ZNF804B: variants seen among roughly 807,000 people sequenced by gnomAD.
The protein encoded by ZNF804B is zinc finger protein 804B, also known as zinc finger 804B.
A neutral mutation model predicts 101.4 loss-of-function variants in ZNF804B; 80 were observed. The ratio of observed to expected loss-of-function variants is 0.79; its 90% confidence interval spans 0.66 to 0.95. The LOEUF (loss-of-function observed/expected upper bound fraction) is 0.95. ZNF804B is among the 40% of genes least tolerant of loss of function. The pLI, the probability that ZNF804B is intolerant of heterozygous loss-of-function variation, is 0.00. For synonymous variants in ZNF804B, 622 were observed against 558.8 expected (o/e 1.11, Z -1.59); for missense variants, 1,673 against 1,561.9 (o/e 1.07, Z -1.20).
chr7:88,887,075 T>C (rs182386927), intron 1 of ZNF804B, among the ~76,000 whole-genome samples: 62 of 152,284 alleles, frequency 4.1e-4, no homozygotes, highest in East Asian at 1.9e-4. Context: ...CCTGTCAGAA[T>C]GGCTACTATA....
intron 1 of ZNF804B, among the ~76,000 whole-genome samples, chr7:88,855,487 G>A (rs1418140729): frequency 7.9e-5 from 12 of 151,984 alleles, no homozygotes; most frequent in African/African-American, 1.7e-4. Context: ...TGAGTTCATC[G>A]TAGATTCTGG....
chr7:89,115,760 A>G (rs1389155556), intron 1 of ZNF804B, among the ~76,000 whole-genome samples: 3 of 152,210 alleles, frequency 2.0e-5, no homozygotes, highest in African/African-American at 7.2e-5. Context: ...TTTAGTATGA[A>G]ATGATAGTTC....
chr7:88,925,015 A>G (rs1187395512), intron 1 of ZNF804B, among the ~76,000 whole-genome samples: 1 of 152,178 alleles, frequency 6.6e-6, no homozygotes, highest in African/African-American at 2.4e-5. Context: ...GGACTGCATT[A>G]TGTCTGTACT....
intron 1 of ZNF804B, among the ~76,000 whole-genome samples, chr7:88,761,106 C>T (rs1239579119): frequency 2.0e-5 from 3 of 151,698 alleles, no homozygotes; most frequent in Non-Finnish European, 2.9e-5. Context: ...TGGTTTAATG[C>T]TTCTTTAGCA....
rs557625422 is a variant in ZNF804B, at chr7:89,327,317, C to A, written c.250-27C>A. On this transcript the variant is annotated intron_variant, in intron 2 of 3. Transcript: ENST00000333190. ...AAGAATATATTATTTATTTATAGTACCTTTTTGGTTTTTCTTCTTTTTCAA... is the reference window on the plus strand; with the variant it reads ...AAGAATATATTATTTATTTATAGTAACTTTTTGGTTTTTCTTCTTTTTCAA... The A allele has an allele frequency of 1.7e-4, 262 of 1,565,932 alleles. 2 individuals carry two copies. The South Asian group carries it at 2.9e-3, about 17-fold the overall frequency.
intron 2 of ZNF804B, among the ~76,000 whole-genome samples, chr7:89,319,163 T>C (rs1463863415): frequency 1.3e-5 from 2 of 152,170 alleles, no homozygotes; most frequent in Non-Finnish European, 2.9e-5. Context: ...AGGGCCATTA[T>C]GGACAGGCTA....
At chr7:88,769,402 A>G (rs1049180815) in intron 1 of ZNF804B, among the ~76,000 whole-genome samples, 1 of 152,166 alleles carries the variant, frequency 6.6e-6, no homozygotes, top group African/African-American at 2.4e-5. Context: ...CTTTAGGTAT[A>G]ATTTAGTGTC....
At chr7:88,985,636 A>AG (rs1793748941) in intron 1 of ZNF804B, among the ~76,000 whole-genome samples, 1 of 152,024 alleles carries the variant, frequency 6.6e-6, no homozygotes, top group Non-Finnish European at 1.5e-5. Flanking sequence ...TTATAGAAAG[A>AG]GGAAAAAGCC....
chr7:89,133,650 T>A (rs1790585041), intron 1 of ZNF804B, among the ~76,000 whole-genome samples: 2 of 152,082 alleles, frequency 1.3e-5, no homozygotes, highest in African/African-American at 2.4e-5. Flanking sequence ...TGGAAGACAG[T>A]GATTGCTCCT....
chr7:88,940,723 A>T (rs1793042169), intron 1 of ZNF804B, among the ~76,000 whole-genome samples: 1 of 150,656 alleles, frequency 6.6e-6, no homozygotes, highest in Admixed American at 6.7e-5. Flanking sequence ...AGCCATGATC[A>T]TGCAACTGCA....
At position 88,785,113 on chromosome 7, in the gene ZNF804B, A is replaced by G. The variant is rs537854480; in HGVS notation, c.108+25029A>G. Reference sequence around the variant, plus strand: ...TTTGAGGAAATACATCAAACTCTGTATTGGACAGTATAACGTTGATGATTC... The same window carrying G: ...TTTGAGGAAATACATCAAACTCTGTGTTGGACAGTATAACGTTGATGATTC... On this transcript the variant is annotated intron_variant, in intron 1 of 3. Coordinates refer to ENST00000333190, the MANE Select transcript of ZNF804B (RefSeq NM_181646.5). Among the ~76,000 whole-genome samples the G allele has an allele frequency of 2.6e-5, 4 of 152,218 alleles. No homozygotes were observed. The East Asian group carries it at 5.8e-4, about 22-fold the overall frequency.
intron 1 of ZNF804B, among the ~76,000 whole-genome samples, chr7:89,171,340 CTTCTTCT>C (rs1791226994): frequency 7.6e-6 from 1 of 132,026 alleles, no homozygotes; most frequent in African/African-American, 2.8e-5. Context: ...TCTTCTTCTT[CTTCTTCT>C]TCTTCTTCTT....
intron 2 of ZNF804B, among the ~76,000 whole-genome samples, chr7:89,229,034 G>A (rs1011963284): frequency 4.6e-5 from 7 of 152,276 alleles, no homozygotes; most frequent in African/African-American, 9.6e-5. Flanking sequence ...TGGGGCCCGC[G>A]GAGCCCACGC....
intron 1 of ZNF804B, among the ~76,000 whole-genome samples, chr7:89,075,203 C>G (rs1789597030): frequency 6.6e-6 from 1 of 152,098 alleles, no homozygotes; most frequent in Non-Finnish European, 1.5e-5. Flanking sequence ...AATGAGGAGC[C>G]AAATGTTAAT....
At chr7:89,199,458 C>A (rs1336550949) in intron 1 of ZNF804B, among the ~76,000 whole-genome samples, 1 of 151,848 alleles carries the variant, frequency 6.6e-6, no homozygotes, top group Non-Finnish European at 1.5e-5. Context: ...GAAATATGAA[C>A]AAATTAACAG....
intron 1 of ZNF804B, among the ~76,000 whole-genome samples, chr7:89,197,790 ATAGAGT>A (rs1340591033): frequency 6.6e-6 from 1 of 151,966 alleles, no homozygotes; most frequent in African/African-American, 2.4e-5. Context: ...GTTTCGTTAT[ATAGAGT>A]TAAAGATATC....
At chr7:89,269,812 C>T (rs1436734645) in intron 2 of ZNF804B, among the ~76,000 whole-genome samples, 3 of 152,078 alleles carry the variant, frequency 2.0e-5, no homozygotes, top group Non-Finnish European at 2.9e-5. Flanking sequence ...CTCTGATGGC[C>T]GGTGATGATG....
At chr7:89,175,637 T>A (rs1274156192) in intron 1 of ZNF804B, among the ~76,000 whole-genome samples, 1 of 152,066 alleles carries the variant, frequency 6.6e-6, no homozygotes, top group Non-Finnish European at 1.5e-5. Flanking sequence ...AGGGATGCAT[T>A]CAATGTGTAG....
At chr7:89,099,422 A>C (rs921889144) in intron 1 of ZNF804B, among the ~76,000 whole-genome samples, 2 of 152,292 alleles carry the variant, frequency 1.3e-5, no homozygotes, top group Non-Finnish European at 1.5e-5. Context: ...ATGGTTTAAA[A>C]TCCACCTGCT....
Sources: gnomAD v4.1 joint callset for allele counts (sites outside exome capture counted in the v4.1 genomes callset) on GRCh38, gnomAD v4.1.1 for gene constraint, MANE v1.5 for transcripts, NCBI Gene and HGNC (gene_info 2026-07-23, HGNC 2026-07-21) for gene names.